Variants in DOP1A observed in about 807,000 individuals in gnomAD.
The protein encoded by DOP1A is DOP1 leucine zipper like protein A, also known as protein DOP1A.
In DOP1A, 90 loss-of-function variants were observed where a neutral mutation model predicts 267.6. The ratio of observed to expected loss-of-function variants is 0.34; its 90% CI spans 0.28 to 0.40. The LOEUF is 0.40. Ranked by LOEUF, DOP1A falls within the 10% of genes least tolerant of loss-of-function variation. The probability of loss-of-function intolerance (pLI) is 1.00; values close to 1 mark genes in which losing one functional copy is unlikely to be tolerated. For synonymous variants in DOP1A, 932 were observed against 999.1 expected (o/e 0.93, Z 1.27); for missense variants, 2,437 against 2,900.4 (o/e 0.84, Z 3.67).
intron 17 of DOP1A, among the ~76,000 whole-genome samples, chr6:83,131,175 C>G (rs1323955046): frequency 6.6e-6 from 1 of 152,098 alleles, no homozygotes; most frequent in Non-Finnish European, 1.5e-5. Context: ...TTCTACCACA[C>G]TGGTATAAAT....
At chr6:83,071,906 G>A (rs757337465) in intron 1 of DOP1A, among the ~76,000 whole-genome samples, 5 of 152,192 alleles carry the variant, frequency 3.3e-5, no homozygotes, top group Admixed American at 6.5e-5. Context: ...AGTGATGACT[G>A]TTGATTCAGG....
At position 83,120,260 on chromosome 6, in the gene DOP1A, A is replaced by T. The variant is rs545099479; in HGVS notation, c.990+403A>T. Among the ~76,000 whole-genome samples, 7 of 152,018 alleles carry T rather than the reference A, an allele frequency of 4.6e-5. No individual in the cohort carries two copies. In the East Asian group the frequency reaches 1.4e-3, roughly 29 times the overall value. On this transcript the variant is annotated intron_variant, in intron 9 of 38. Coordinates refer to ENST00000349129, the MANE Select transcript of DOP1A (RefSeq NM_015018.4). ...AGATATTTGAAATAGAAGAAAATAC[A>T]TGGTATCTGAAGCATTTTTAAATGA...
In DOP1A at chr6:83,132,219, C is replaced by T. The variant is rs10943926; in HGVS notation, c.2660C>T (p.Pro887Leu). 3 of 1,612,854 alleles carry T rather than the reference C, an allele frequency of 1.9e-6. No individual in the cohort carries two copies. The highest frequency in any genetic ancestry group is 1.3e-5 in the African/African-American group (1 of 74,862). The change falls in exon 18 of 39, where the codon CCT becomes CTT. Residue 887 changes from proline (P) to leucine (L), a missense_variant. Around this residue, in one of 9 missense-constraint regions of DOP1A, gnomAD observed 878 missense variants for 992.9 expected, o/e 0.88. Coordinates refer to ENST00000349129, the MANE Select transcript of DOP1A (RefSeq NM_015018.4). ...TLWDQLGDGT[P>L]QHHQKSVELF... ...TGGGACCAGTTGGGAGATGGGACAC[C>T]TCAGCATCACCAGAAGAGTGTGGAA...
intron 21 of DOP1A, among the ~76,000 whole-genome samples, 160 bp downstream of exon 21, chr6:83,139,322 G>C (rs1319631111): frequency 3.3e-5 from 5 of 152,092 alleles, no homozygotes; most frequent in African/African-American, 1.2e-4. Context: ...TTGACTTGAG[G>C]AAGAGTATCA....
chr6:83,166,669 C>T (rs1267549744), intron 38 of DOP1A: 18 of 1,258,646 alleles, frequency 1.4e-5, no homozygotes, highest in South Asian at 2.7e-5. Context: ...ACCGCAATTA[C>T]GTTTGCACCA....
At chr6:83,127,457 A>T (rs1039850882) in intron 15 of DOP1A, among the ~76,000 whole-genome samples, 1 of 152,174 alleles carries the variant, frequency 6.6e-6, no homozygotes, top group African/African-American at 2.4e-5. Context: ...AGATGCAGCT[A>T]TAAGATAGGC....
At chr6:83,156,601 C>T (rs186377470) in intron 34 of DOP1A, among the ~76,000 whole-genome samples, 3 of 152,240 alleles carry the variant, frequency 2.0e-5, no homozygotes, top group Admixed American at 6.5e-5. Flanking sequence ...CGTGTCATCA[C>T]CCTGTACCAC....
At position 83,118,891 on chromosome 6, in the gene DOP1A, A is replaced by T. The variant is rs764159040; in HGVS notation, c.784A>T (p.Thr262Ser). Reference protein sequence around the residue: ...FCFPFHMSQATRPDMIRILSA... With the variant: ...FCFPFHMSQASRPDMIRILSA... ...ACCATATTCCTAACTCTTTCAGGCCACTCGACCGGATATGATCAGGATCTT... is the reference window on the plus strand; with the variant it reads ...ACCATATTCCTAACTCTTTCAGGCCTCTCGACCGGATATGATCAGGATCTT... The change falls in exon 8 of 39, where the codon ACT becomes TCT. Residue 262 changes from threonine (T) to serine (S), a missense_variant. Thr to Ser is a moderately conservative substitution (Grantham distance 58). This residue lies in a region of DOP1A where 251 missense variants were observed against 359.1 expected (regional missense o/e 0.70). Coordinates refer to ENST00000349129, the MANE Select transcript of DOP1A (RefSeq NM_015018.4). 6.8e-6 allele frequency: 11 copies of T among 1,613,426 alleles called. No homozygotes were observed. In the East Asian group the frequency reaches 2.2e-4, roughly 33 times the overall value.
chr6:83,123,758 C>A (rs1231238947), intron 12 of DOP1A, among the ~76,000 whole-genome samples: 1 of 151,992 alleles, frequency 6.6e-6, no homozygotes, highest in Non-Finnish European at 1.5e-5. Context: ...AAGACATGCA[C>A]GCGTATATTC....
At chr6:83,135,121 C>A (rs1583057757) in intron 19 of DOP1A, among the ~76,000 whole-genome samples, 1 of 152,070 alleles carries the variant, frequency 6.6e-6, no homozygotes, top group South Asian at 2.1e-4. Context: ...GTTACTTGCC[C>A]AACACCACAC....
intron 36 of DOP1A, 89 bp from the exon 37 acceptor site, chr6:83,159,707 A>G: frequency 6.9e-7 from 1 of 1,442,938 alleles, no homozygotes; most frequent in Non-Finnish European, 9.6e-7. Context: ...GATGATTATG[A>G]AAAATATTAG....
intron 25 of DOP1A, among the ~76,000 whole-genome samples, chr6:83,146,937 T>C (rs554497692): frequency 5.9e-5 from 9 of 152,178 alleles, no homozygotes; most frequent in South Asian, 2.1e-4. Flanking sequence ...TTGATACTTA[T>C]AGAGTACATG....
intron 24 of DOP1A, among the ~76,000 whole-genome samples, chr6:83,144,462 T>C (rs1049112710): frequency 2.6e-5 from 4 of 152,126 alleles, no homozygotes; most frequent in African/African-American, 9.7e-5. Context: ...GATGAATTTT[T>C]AATAGGTACA....
At chr6:83,163,502 A>G (rs1420148837) in intron 38 of DOP1A, among the ~76,000 whole-genome samples, 2 of 152,220 alleles carry the variant, frequency 1.3e-5, no homozygotes, top group Non-Finnish European at 2.9e-5. Context: ...AAAGGAAATA[A>G]TCATTAGCAT....
intron 38 of DOP1A, chr6:83,164,888 T>G (rs1044172415): frequency 3.4e-6 from 2 of 588,378 alleles, no homozygotes; most frequent in Non-Finnish European, 6.1e-6. Flanking sequence ...ATGGAAACAT[T>G]TGACTTTATT....
At chr6:83,158,810 G>C (rs1156476953) in intron 36 of DOP1A, among the ~76,000 whole-genome samples, 188 bp downstream of exon 36, 1 of 152,092 alleles carries the variant, frequency 6.6e-6, no homozygotes, top group Non-Finnish European at 1.5e-5. Flanking sequence ...TAAGCCATCA[G>C]CATTCATTGC....
At chr6:83,074,924 T>C (rs1766811541) in intron 1 of DOP1A, among the ~76,000 whole-genome samples, 1 of 152,212 alleles carries the variant, frequency 6.6e-6, no homozygotes, top group Admixed American at 6.5e-5. Context: ...AGGATGAGTT[T>C]GTGTGGATAT....
intron 1 of DOP1A, among the ~76,000 whole-genome samples, chr6:83,077,597 G>A (rs181458515): frequency 6.6e-6 from 1 of 152,224 alleles, no homozygotes; most frequent in East Asian, 1.9e-4. Flanking sequence ...GATTGCTTGA[G>A]CCCAGGAGTT....
At chr6:83,151,685 A>C in intron 28 of DOP1A, 26 bp downstream of exon 28, 1 of 1,580,148 alleles carries the variant, frequency 6.3e-7, no homozygotes, top group Non-Finnish European at 8.6e-7. Context: ...AGCTGTTGCC[A>C]AAACTGTTTC....
Sources: gnomAD v4.1 joint callset for allele counts (sites outside exome capture counted in the v4.1 genomes callset) on GRCh38, gnomAD v4.1.1 for gene constraint, gnomAD v4.1.1 regional missense constraint, MANE v1.5 for transcripts, NCBI Gene and HGNC (gene_info 2026-07-23, HGNC 2026-07-21) for gene names.